The following PDE11A variants were observed in gnomAD, a reference collection of about 807,000 sequenced individuals.
PDE11A encodes phosphodiesterase 11A.
A neutral mutation model predicts 100.5 loss-of-function variants in PDE11A; 100 were observed. The observed-to-expected ratio is 1.00, with a 90% CI of 0.85 to 1.18. The LOEUF is 1.18. Ranked by LOEUF, PDE11A falls within the 50% of genes most tolerant of loss-of-function variation. The pLI, the probability that PDE11A is intolerant of heterozygous loss-of-function variation, is 0.00. For missense variants in PDE11A, 1,141 were observed against 1,152.6 expected (o/e 0.99, Z 0.15); for synonymous variants, 381 against 420.8 (o/e 0.91, Z 1.16).
At chr2:178,000,816 T>A (rs1025329149) in intron 2 of PDE11A, among the ~76,000 whole-genome samples, 3 of 152,202 alleles carry the variant, frequency 2.0e-5, no homozygotes, top group Non-Finnish European at 4.4e-5. Flanking sequence ...TCGTGTCAAG[T>A]ACCCTCTCCT....
intron 3 of PDE11A, among the ~76,000 whole-genome samples, chr2:177,901,067 A>G (rs529488604): frequency 6.6e-6 from 1 of 152,306 alleles, no homozygotes; most frequent in South Asian, 2.1e-4. Context: ...CCTGGGGACT[A>G]GAATGCCTTC....
chr2:178,085,163 C>T (rs1407582045), intron 2 of PDE11A, among the ~76,000 whole-genome samples: 1 of 152,108 alleles, frequency 6.6e-6, no homozygotes, highest in African/African-American at 2.4e-5. Context: ...TATAGCAAGT[C>T]AACATACAGA....
At chr2:178,086,225 A>C (rs1271667605) in intron 2 of PDE11A, among the ~76,000 whole-genome samples, 6 of 151,762 alleles carry the variant, frequency 4.0e-5, no homozygotes, top group African/African-American at 1.5e-4. Context: ...TAGGTCTTCC[A>C]AAAAATGCAA....
intron 2 of PDE11A, among the ~76,000 whole-genome samples, chr2:177,927,739 T>C (rs1212522347): frequency 1.3e-5 from 2 of 152,114 alleles, no homozygotes. Flanking sequence ...AGCAAAAGAG[T>C]ATCTCAAATC....
At chr2:177,950,086 AG>A (rs1391409371) in intron 2 of PDE11A, among the ~76,000 whole-genome samples, 5 of 152,244 alleles carry the variant, frequency 3.3e-5, no homozygotes, top group Non-Finnish European at 7.3e-5. Flanking sequence ...TTGCATTCAA[AG>A]AACCACGTTT....
At chr2:177,790,849 A>G (rs1242094854) in intron 9 of PDE11A, among the ~76,000 whole-genome samples, 1 of 152,224 alleles carries the variant, frequency 6.6e-6, no homozygotes, top group Admixed American at 6.5e-5. Context: ...ACCATCTCAC[A>G]TCAGTTAGAA....
At chr2:178,074,544 G>A (rs1443461026), upstream of PDE11A, among the ~76,000 whole-genome samples, 1 of 152,126 alleles carries the variant, frequency 6.6e-6, no homozygotes, top group Non-Finnish European at 1.5e-5. Flanking sequence ...CCAACCCTGG[G>A]CTTCCTAGAA....
At chr2:177,636,419 A>T (rs527602801) in intron 19 of PDE11A, among the ~76,000 whole-genome samples, 1 of 152,292 alleles carries the variant, frequency 6.6e-6, no homozygotes, top group East Asian at 1.9e-4. Context: ...CAGCATATCA[A>T]TCATTTTTGA....
At chr2:177,792,509 T>G (rs892790597) in intron 9 of PDE11A, among the ~76,000 whole-genome samples, 1 of 152,198 alleles carries the variant, frequency 6.6e-6, no homozygotes, top group Non-Finnish European at 1.5e-5. Context: ...GAGAGAGAGA[T>G]ACATTGCTTA....
At chr2:177,796,773 G>C (rs1249671121) in intron 9 of PDE11A, among the ~76,000 whole-genome samples, 1 of 152,154 alleles carries the variant, frequency 6.6e-6, no homozygotes, top group East Asian at 1.9e-4. Flanking sequence ...AGAGAAGCCA[G>C]CAGGCAAAGG....
chr2:177,708,215 T>C (rs572086225), intron 13 of PDE11A, among the ~76,000 whole-genome samples: 8 of 129,494 alleles, frequency 6.2e-5, no homozygotes, highest in Middle Eastern at 3.7e-3. Flanking sequence ...AGACATGGAA[T>C]CCTAAATGCC....
intron 15 of PDE11A, among the ~76,000 whole-genome samples, chr2:177,692,311 T>C (rs1191252692): frequency 2.0e-5 from 3 of 152,208 alleles, no homozygotes; most frequent in Non-Finnish European, 2.9e-5. Context: ...ACATTTGTAA[T>C]TTTAGATCTC....
intron 6 of PDE11A, among the ~76,000 whole-genome samples, chr2:177,836,893 A>C (rs2083410566): frequency 6.6e-6 from 1 of 152,168 alleles, no homozygotes; most frequent in Admixed American, 6.5e-5. Flanking sequence ...GAAACTCCAA[A>C]CACATCCGAA....
intron 6 of PDE11A, among the ~76,000 whole-genome samples, chr2:177,830,893 A>T (rs2083298284): frequency 6.6e-6 from 1 of 152,090 alleles, no homozygotes; most frequent in African/African-American, 2.4e-5. Flanking sequence ...CATTCTTTTC[A>T]TAGAATCTTG....
At chr2:178,046,308 T>C (rs189668755) in intron 1 of PDE11A, among the ~76,000 whole-genome samples, 1 of 152,316 alleles carries the variant, frequency 6.6e-6, no homozygotes, top group African/African-American at 2.4e-5. Flanking sequence ...ATAAAATGTA[T>C]GGATGAAGTC....
intron 2 of PDE11A, among the ~76,000 whole-genome samples, chr2:177,910,412 GTC>G (rs72413223): frequency 0.29 from 42,189 of 145,702 alleles, 7,234 homozygotes; most frequent in Admixed American, 0.45. Context: ...CTCTCTCTCT[GTC>G]TCTCTCTCTC....
chr2:177,674,507 A>G (rs1362040190), intron 17 of PDE11A, among the ~76,000 whole-genome samples: 1 of 151,434 alleles, frequency 6.6e-6, no homozygotes, highest in Non-Finnish European at 1.5e-5. Flanking sequence ...TGAGTGTGTA[A>G]TTTCCCCCTG....
chr2:178,000,276 A>C (rs2086128325), intron 2 of PDE11A, among the ~76,000 whole-genome samples: 1 of 152,252 alleles, frequency 6.6e-6, no homozygotes, highest in South Asian at 2.1e-4. Context: ...ATACTGTTAA[A>C]AATAGAAATT....
chr2:177,650,587 G>C (rs926779021), intron 19 of PDE11A, among the ~76,000 whole-genome samples: 1 of 152,086 alleles, frequency 6.6e-6, no homozygotes, highest in African/African-American at 2.4e-5. Context: ...CTTTTTGCTT[G>C]TTTGAAAGCA....
Sources: allele counts gnomAD v4.1 joint callset (sites outside exome capture counted in the v4.1 genomes callset), GRCh38; gene constraint gnomAD v4.1.1; transcripts MANE v1.5; gene names NCBI Gene and HGNC (gene_info 2026-07-23, HGNC 2026-07-21).